The following DIP2C variants were observed in gnomAD, a reference collection of about 807,000 sequenced individuals.
The protein encoded by DIP2C is DIP2 acetate--CoA ligase C (putative), also known as disco-interacting protein 2 homolog C.
In DIP2C, 33 loss-of-function variants were observed where a neutral mutation model predicts 192.4. That is an observed-to-expected ratio of 0.17 (90% CI 0.13 to 0.23). The LOEUF is 0.23. Ranked by LOEUF, DIP2C falls within the 10% of genes least tolerant of loss-of-function variation. The probability of loss-of-function intolerance (pLI) is 1.00; values close to 1 mark genes in which losing one functional copy is unlikely to be tolerated. For missense variants in DIP2C, 1,537 were observed against 2,110.1 expected (o/e 0.73, Z 5.32); for synonymous variants, 979 against 864.1 (o/e 1.13, Z -2.33).
At chr10:451,117 C>G (rs1314667907) in intron 3 of DIP2C, among the ~76,000 whole-genome samples, 1 of 152,096 alleles carries the variant, frequency 6.6e-6, no homozygotes, top group Non-Finnish European at 1.5e-5. Flanking sequence ...GGTGAAGCAA[C>G]AAACCCTCCC....
At chr10:561,811 T>C (rs1849234562) in intron 1 of DIP2C, among the ~76,000 whole-genome samples, 1 of 152,134 alleles carries the variant, frequency 6.6e-6, no homozygotes, top group South Asian at 2.1e-4. Flanking sequence ...TGAAGGCAAA[T>C]ACTCATGAAA....
chr10:678,615 T>C (rs4881508), intron 1 of DIP2C, among the ~76,000 whole-genome samples: 6,674 of 53,526 alleles, frequency 0.12, 159 homozygotes, highest in Middle Eastern at 0.27. Context: ...GTGATCCCCG[T>C]GCCCATCTCT....
At chr10:534,092 G>A (rs1432730854) in intron 1 of DIP2C, among the ~76,000 whole-genome samples, 1 of 151,982 alleles carries the variant, frequency 6.6e-6, no homozygotes, top group African/African-American at 2.4e-5. Flanking sequence ...GGGACGAGGA[G>A]CCCCTCCTGC....
chr10:323,251 C>G (rs369352381), intron 31 of DIP2C, among the ~76,000 whole-genome samples: 22 of 26,188 alleles, frequency 8.4e-4, no homozygotes, highest in African/African-American at 1.6e-3. Context: ...GGGTGCGGGG[C>G]TCCGGCGAGA....
intron 2 of DIP2C, among the ~76,000 whole-genome samples, chr10:479,160 A>G (rs994939492): frequency 5.3e-5 from 8 of 152,184 alleles, no homozygotes; most frequent in Non-Finnish European, 1.0e-4. Context: ...ACTTTCTAAA[A>G]TAAGTGCAAT....
chr10:635,166 G>A (rs1854760821), intron 1 of DIP2C, among the ~76,000 whole-genome samples: 2 of 152,202 alleles, frequency 1.3e-5, no homozygotes, highest in African/African-American at 4.8e-5. Flanking sequence ...ACAAAAACCA[G>A]AAGAGCAGGG....
intron 1 of DIP2C, among the ~76,000 whole-genome samples, chr10:617,463 G>A (rs1234624273): frequency 6.6e-6 from 1 of 152,162 alleles, no homozygotes; most frequent in Non-Finnish European, 1.5e-5. Context: ...GCACACGTGG[G>A]ACCCTAGCCG....
chr10:435,489 A>G (rs528373079), intron 4 of DIP2C, among the ~76,000 whole-genome samples: 1 of 152,256 alleles, frequency 6.6e-6, no homozygotes, highest in South Asian at 2.1e-4. Flanking sequence ...CTTGGCCACA[A>G]CCTCACTACA....
intron 1 of DIP2C, among the ~76,000 whole-genome samples, chr10:568,412 C>A (rs1564207751): frequency 6.6e-6 from 1 of 152,164 alleles, no homozygotes; most frequent in Admixed American, 6.5e-5. Context: ...AGAAACGAAT[C>A]ATCCAAGATC....
chr10:519,610 G>T (rs1345581616), intron 1 of DIP2C, among the ~76,000 whole-genome samples: 2 of 152,228 alleles, frequency 1.3e-5, no homozygotes, highest in Admixed American at 6.5e-5. Context: ...TGCACAGTGG[G>T]TGCAGCCTTG....
intron 1 of DIP2C, among the ~76,000 whole-genome samples, chr10:580,530 C>T (rs1260462502): frequency 1.3e-5 from 2 of 152,130 alleles, no homozygotes; most frequent in Non-Finnish European, 2.9e-5. Context: ...CACATATGTA[C>T]ACATGTACAT....
At chr10:471,752 T>C (rs1970649279) in intron 3 of DIP2C, among the ~76,000 whole-genome samples, 1 of 152,118 alleles carries the variant, frequency 6.6e-6, no homozygotes, top group Non-Finnish European at 1.5e-5. Context: ...CAGCCTGAGT[T>C]TTTGTTGTTG....
intron 17 of DIP2C, among the ~76,000 whole-genome samples, chr10:381,433 T>G (rs760196469): frequency 7.2e-5 from 11 of 152,128 alleles, no homozygotes; most frequent in Non-Finnish European, 1.5e-4. Flanking sequence ...TTCGGTGTGT[T>G]GAGCCCAATC....
chr10:603,787 A>G (rs1271292142), intron 1 of DIP2C, among the ~76,000 whole-genome samples: 1 of 152,188 alleles, frequency 6.6e-6, no homozygotes, highest in East Asian at 1.9e-4. Flanking sequence ...CACAGCCCTG[A>G]AAGTCAGGAG....
At chr10:497,485 G>T (rs1209206627) in intron 1 of DIP2C, among the ~76,000 whole-genome samples, 1 of 152,162 alleles carries the variant, frequency 6.6e-6, no homozygotes. Flanking sequence ...ATCAGCAATG[G>T]GGCAGCTCTG....
intron 1 of DIP2C, among the ~76,000 whole-genome samples, chr10:585,805 A>C (rs1040965726): frequency 8.5e-5 from 13 of 152,174 alleles, no homozygotes; most frequent in African/African-American, 2.2e-4. Flanking sequence ...ATCACCAACA[A>C]CACTAGTTAC....
At chr10:474,185 C>T (rs902236663) in intron 2 of DIP2C, among the ~76,000 whole-genome samples, 2 of 152,184 alleles carry the variant, frequency 1.3e-5, no homozygotes, top group African/African-American at 4.8e-5. Flanking sequence ...AGCTACCTGG[C>T]ACTTACATTC....
At chr10:542,697 C>T (rs975859255) in intron 1 of DIP2C, among the ~76,000 whole-genome samples, 1 of 151,876 alleles carries the variant, frequency 6.6e-6, no homozygotes, top group African/African-American at 2.4e-5. Context: ...CTGACCCTGT[C>T]CCTCTCTATA....
intron 16 of DIP2C, among the ~76,000 whole-genome samples, chr10:383,747 C>T (rs1962597973): frequency 6.6e-6 from 1 of 152,130 alleles, no homozygotes; most frequent in Admixed American, 6.6e-5. Flanking sequence ...ACTTTCTCTA[C>T]AGAATCAAGA....
Sources: gnomAD v4.1 joint callset for allele counts (sites outside exome capture counted in the v4.1 genomes callset) on GRCh38, gnomAD v4.1.1 for gene constraint, MANE v1.5 for transcripts, NCBI Gene and HGNC (gene_info 2026-07-23, HGNC 2026-07-21) for gene names.